The following RUFY1 variants were observed in gnomAD, a reference collection of about 807,000 sequenced individuals.
RUFY1 encodes RUN and FYVE domain-containing protein 1.
RUFY1 carries 54 observed loss-of-function variants against 94.6 expected under a neutral mutation model. That is an observed-to-expected ratio of 0.57 (90% CI 0.46 to 0.72). RUFY1 has a LOEUF of 0.72. Ranked by LOEUF, RUFY1 falls within the 30% of genes least tolerant of loss-of-function variation. The pLI, the probability that RUFY1 is intolerant of heterozygous loss-of-function variation, is 0.00. For missense variants in RUFY1, 883 were observed against 883.9 expected, an observed-to-expected ratio of 1.00 and a Z score of 0.01; for synonymous variants, 396 against 347.3, an observed-to-expected ratio of 1.14 and a Z score of -1.56.
At chr5:179,567,656 T>G in intron 4 of RUFY1, 94 bp downstream of exon 4, 1 of 821,140 alleles carries the variant, frequency 1.2e-6, no homozygotes, top group South Asian at 1.6e-5. Context: ...CCCAGCACTT[T>G]GGGAGGCCAA....
At chr5:179,572,462 C>CGCT (rs1763297421) in intron 5 of RUFY1, 1 of 187,094 alleles carries the variant, frequency 5.3e-6, no homozygotes, top group African/African-American at 2.4e-5. Context: ...ATCCCCCACC[C>CGCT]GCTGATGTGA....
intron 3 of RUFY1, among the ~76,000 whole-genome samples, chr5:179,565,508 T>G (rs1441763787): frequency 1.3e-5 from 2 of 152,196 alleles, no homozygotes; most frequent in Admixed American, 6.5e-5. Flanking sequence ...CAAGTGAAGA[T>G]ATTGCCCATT....
intron 7 of RUFY1, among the ~76,000 whole-genome samples, chr5:179,582,095 C>A (rs1764207993): frequency 6.6e-6 from 1 of 152,092 alleles, no homozygotes; most frequent in Non-Finnish European, 1.5e-5. Context: ...TAGAAAATAC[C>A]TTTTAGTGTC....
chr5:179,607,340 C>T, intron 16 of RUFY1: 3 of 544,756 alleles, frequency 5.5e-6, no homozygotes, highest in Admixed American at 3.3e-5. Flanking sequence ...CGCCTGGAGG[C>T]CCCAGGGCAG....
chr5:179,552,180 A>AC (rs1761895642), intron 1 of RUFY1, among the ~76,000 whole-genome samples: 2 of 151,088 alleles, frequency 1.3e-5, no homozygotes, highest in African/African-American at 2.4e-5. Context: ...AAAAAAAAAA[A>AC]AAAAAAACTT....
chr5:179,608,167 C>A, intron 17 of RUFY1: 2 of 383,178 alleles, frequency 5.2e-6, no homozygotes, highest in Non-Finnish European at 7.2e-6. Flanking sequence ...AACAGTCTCA[C>A]CAAGACCAGC....
chr5:179,554,703 C>T (rs569497256), intron 1 of RUFY1, among the ~76,000 whole-genome samples: 1 of 152,024 alleles, frequency 6.6e-6, no homozygotes, highest in East Asian at 1.9e-4. Context: ...CATGGTGGCT[C>T]ATGCCTGTAA....
chr5:179,555,755 G>A, intron 1 of RUFY1: 3 of 342,758 alleles, frequency 8.8e-6, no homozygotes, highest in South Asian at 4.1e-5. Flanking sequence ...AGCCTCCCAA[G>A]CAGCTGGGAT....
At chr5:179,601,835 A>C (rs1455329856) in intron 14 of RUFY1, 57 bp from the exon 15 acceptor site, 4 of 1,168,872 alleles carry the variant, frequency 3.4e-6, no homozygotes, top group Non-Finnish European at 4.9e-6. Flanking sequence ...AAAAAAAAAA[A>C]AAAAAAAAGG....
intron 5 of RUFY1, among the ~76,000 whole-genome samples, chr5:179,571,130 CTA>C (rs1427341672): frequency 1.3e-5 from 2 of 152,118 alleles, no homozygotes; most frequent in African/African-American, 4.8e-5. Context: ...TTTAAAATGA[CTA>C]TGTAGTATTT....
chr5:179,550,941 G>C, intron 1 of RUFY1, 62 bp downstream of exon 1: 1 of 1,020,078 alleles, frequency 9.8e-7, no homozygotes, highest in African/African-American at 1.7e-5. Flanking sequence ...CGCCGGCGCG[G>C]GCGCGGTGGG....
chr5:179,595,669 A>G (rs1038024723), intron 12 of RUFY1, among the ~76,000 whole-genome samples: 1 of 151,406 alleles, frequency 6.6e-6, no homozygotes, highest in Non-Finnish European at 1.5e-5. Context: ...CTCCTGCCTC[A>G]GCCTCCCAAG....
chr5:179,572,358 G>T, intron 5 of RUFY1: 1 of 198,930 alleles, frequency 5.0e-6, no homozygotes, highest in South Asian at 6.6e-5. Flanking sequence ...TCCGCAAGCT[G>T]GGCTGCGAAG....
chr5:179,593,689 G>A, intron 11 of RUFY1, 44 bp downstream of exon 11: 1 of 1,595,654 alleles, frequency 6.3e-7, no homozygotes, highest in Non-Finnish European at 8.5e-7. Context: ...GGTTTCTGCT[G>A]CTCGCCAGTC....
At position 179,560,110 on chromosome 5, in the gene RUFY1, G is replaced by C. The variant is rs1490274689; in HGVS notation, c.396G>C (p.Leu132=). The change falls in exon 2 of 18, where the codon CTG becomes CTC. Residue 132 remains leucine, a synonymous_variant. Coordinates refer to ENST00000319449, the MANE Select transcript of RUFY1 (RefSeq NM_025158.5). ...TCAAGGTGTTGCTCCAGTCGGCTCT[G>C]AGCCTGGGCCGCAGCCTGGATGCGG... ...LSIKVLLQSA[L]SLGRSLDADH... The C allele has an allele frequency of 6.2e-7, 1 of 1,613,952 alleles. No individual in the cohort carries two copies.
rs373601469 is a variant in RUFY1, at chr5:179,567,575, C to T, written c.704+13C>T. 1.0e-5 allele frequency: 16 copies of T among 1,557,154 alleles called. No individual in the cohort carries two copies. The African/African-American group carries it at 1.8e-4, about 17-fold the overall frequency. ...AACATCTCTTAAGGTATTTCATCAA[C>T]CATGTTTGCTTATCTTTTGCTTGGT... On this transcript the variant is annotated intron_variant, in intron 4 of 17. Transcript: ENST00000319449.
intron 3 of RUFY1, among the ~76,000 whole-genome samples, chr5:179,566,625 GAA>G (rs59142888): frequency 3.7e-4 from 43 of 115,448 alleles, no homozygotes; most frequent in East Asian, 2.2e-3. Context: ...GCTCCATCTC[GAA>G]AAAAAAAAAA....
At chr5:179,565,660 G>A (rs1242715411) in intron 3 of RUFY1, among the ~76,000 whole-genome samples, 3 of 151,988 alleles carry the variant, frequency 2.0e-5, no homozygotes, top group Non-Finnish European at 4.4e-5. Context: ...ATAATATTCT[G>A]TTGTCTGTCT....
rs559022403 is a variant in RUFY1 at position 179,550,792 on chromosome 5, G to T, written c.223G>T (p.Gly75Trp). 5.9e-6 allele frequency: 8 copies of T among 1,351,318 alleles called. No individual in the cohort carries two copies. Among genetic ancestry groups the T allele is most frequent in the South Asian group, 1.7e-5 (1 of 57,674 alleles). 83.7% of individuals were successfully genotyped at this position (1,351,318 alleles called of 1,614,324 possible). The change falls in exon 1 of 18, where the codon GGG (glycine) becomes TGG (tryptophan). Residue 75 changes from glycine (G) to tryptophan (W), a missense_variant. Transcript: ENST00000319449. ...CCTGACCCTGGCACGCAGGGCCACC[G>T]GGAACCTGTCGGCGAGCTGCGGGAG... ...PILTLARRAT[G>W]NLSASCGSAL...
Sources: allele counts gnomAD v4.1 joint callset (sites outside exome capture counted in the v4.1 genomes callset), GRCh38; gene constraint gnomAD v4.1.1; transcripts MANE v1.5; gene names NCBI Gene and HGNC (gene_info 2026-07-23, HGNC 2026-07-21).